MCTP1: variants seen among roughly 807,000 people sequenced by gnomAD.
MCTP1 encodes multiple C2 and transmembrane domain containing 1, also known as multiple C2 and transmembrane domain-containing protein 1.
MCTP1 carries 69 observed loss-of-function variants against 120.6 expected under a neutral mutation model. The ratio of observed to expected loss-of-function variants is 0.57; its 90% CI spans 0.47 to 0.70. The LOEUF is 0.70. Ranked by LOEUF, MCTP1 falls within the 30% of genes least tolerant of loss-of-function variation. MCTP1 has a pLI of 0.00. For missense variants in MCTP1, 1,203 were observed against 1,248.8 expected (o/e 0.96, Z 0.55); for synonymous variants, 529 against 493.1 (o/e 1.07, Z -0.96).
rs1237056530 is a variant in MCTP1 at position 95,064,128 on chromosome 5, CT to C, written c.721-46645del. On this transcript the variant is annotated intron_variant, in intron 1 of 22. Coordinates refer to ENST00000515393, the MANE Select transcript of MCTP1 (RefSeq NM_024717.7). ...TTGGAAAATTATAGGCTCCCAAGAACTGTTTATACAAGTACATGCTTTAGGG... is the reference window on the plus strand; with the variant it reads ...TTGGAAAATTATAGGCTCCCAAGAACGTTTATACAAGTACATGCTTTAGGG... 3.3e-5 allele frequency among the ~76,000 whole-genome samples: 5 copies of C among 152,306 alleles called. No homozygotes were observed. The East Asian group carries it at 7.7e-4, about 24-fold the overall frequency.
At chr5:94,812,908 C>A (rs1339348115) in intron 17 of MCTP1, among the ~76,000 whole-genome samples, 1 of 151,958 alleles carries the variant, frequency 6.6e-6, no homozygotes, top group African/African-American at 2.4e-5. Context: ...CTCTCTCTCT[C>A]TCTCTCTCTC....
chr5:95,150,277 A>G lies in MCTP1; in HGVS notation c.721-132793T>C, dbSNP rs148662834. 3.9e-5 allele frequency among the ~76,000 whole-genome samples: 6 copies of G among 152,300 alleles called. No individual in the cohort carries two copies. The East Asian group carries it at 1.2e-3, about 29-fold the overall frequency. On this transcript the variant is annotated intron_variant, in intron 1 of 22. Coordinates refer to ENST00000515393, the MANE Select transcript of MCTP1 (RefSeq NM_024717.7). ...ATAAGCATCTTTACTTTATTCACTA[A>G]TGCTATAATTATGTCTCTGCTGCCT...
At chr5:95,169,428 A>T (rs1429083223) in intron 1 of MCTP1, among the ~76,000 whole-genome samples, 1 of 152,080 alleles carries the variant, frequency 6.6e-6, no homozygotes, top group African/African-American at 2.4e-5. Flanking sequence ...GTTAGGGAGG[A>T]TTCCCTCTTT....
intron 1 of MCTP1, among the ~76,000 whole-genome samples, chr5:95,151,405 A>C (rs1760888480): frequency 6.6e-6 from 1 of 152,124 alleles, no homozygotes. Flanking sequence ...GAGAAGGAGA[A>C]GGTAGAGGAG....
intron 2 of MCTP1, among the ~76,000 whole-genome samples, chr5:94,954,578 T>C (rs1042783714): frequency 6.6e-6 from 1 of 152,146 alleles, no homozygotes; most frequent in Non-Finnish European, 1.5e-5. Flanking sequence ...CTCTATTGCA[T>C]GTTGAATGTG....
At chr5:94,909,031 G>A (rs1807714244) in intron 10 of MCTP1, among the ~76,000 whole-genome samples, 1 of 151,906 alleles carries the variant, frequency 6.6e-6, no homozygotes, top group Non-Finnish European at 1.5e-5. Context: ...AAAATTCATG[G>A]ATATCAAATT....
chr5:94,714,699 G>A (rs1224550986), intron 20 of MCTP1, 78 bp downstream of exon 20: 12 of 838,940 alleles, frequency 1.4e-5, no homozygotes, highest in Non-Finnish European at 2.5e-5. Context: ...CAAAAAGAAT[G>A]TGGCATTTCA....
intron 1 of MCTP1, among the ~76,000 whole-genome samples, chr5:95,133,239 C>A (rs1176790677): frequency 6.6e-6 from 1 of 152,204 alleles, no homozygotes; most frequent in African/African-American, 2.4e-5. Flanking sequence ...AAGACCCCCA[C>A]TGGATACTTG....
intron 1 of MCTP1, among the ~76,000 whole-genome samples, chr5:95,123,663 T>A (rs1408515224): frequency 7.7e-6 from 1 of 129,816 alleles, no homozygotes; most frequent in Non-Finnish European, 1.8e-5. Flanking sequence ...TTTTTTTTTT[T>A]TTTTGAGATG....
intron 1 of MCTP1, among the ~76,000 whole-genome samples, chr5:95,273,943 AC>A (rs1759606045): frequency 6.6e-6 from 1 of 152,124 alleles, no homozygotes; most frequent in Admixed American, 6.5e-5. Context: ...TCTTTCTGTC[AC>A]CAAGGTCAGA....
chr5:95,218,465 TG>T (rs1246656902), intron 1 of MCTP1, among the ~76,000 whole-genome samples: 2 of 152,184 alleles, frequency 1.3e-5, no homozygotes, highest in African/African-American at 4.8e-5. Flanking sequence ...TAGGTGGTAA[TG>T]GTACATTAAA....
At chr5:95,157,883 G>A (rs370862684) in intron 1 of MCTP1, among the ~76,000 whole-genome samples, 14 of 152,162 alleles carry the variant, frequency 9.2e-5, no homozygotes, top group Middle Eastern at 3.4e-3. Flanking sequence ...CCATTACGCC[G>A]GCAATGTTGA....
chr5:95,036,886 C>G (rs1841408205), intron 1 of MCTP1, among the ~76,000 whole-genome samples: 1 of 145,888 alleles, frequency 6.9e-6, no homozygotes, highest in African/African-American at 2.5e-5. Flanking sequence ...CAAGGTTACC[C>G]TACCCTTATC....
At position 94,856,939 on chromosome 5, in the gene MCTP1, G is replaced by A. The variant is rs77219288; in HGVS notation, c.2436+11394C>T. On this transcript the variant is annotated intron_variant, in intron 17 of 22. Transcript: ENST00000515393. ...CCCTTAAAAGCAGAGAGAGGAAGGA[G>A]AAATAATGGAATAACCCATTTCTGA... Among the ~76,000 whole-genome samples, 915 of 151,652 alleles carry A rather than the reference G, an allele frequency of 6.0e-3. 11 individuals are homozygous for A. Among genetic ancestry groups the A allele is most frequent in the African/African-American group, 0.021 (858 of 41,440 alleles).
rs1442722403 is a variant in MCTP1 at position 94,917,980 on chromosome 5, G to T, written c.1273-7C>A. The T allele has an allele frequency of 6.2e-7, 1 of 1,612,180 alleles. No individual in the cohort carries two copies. The highest frequency in any genetic ancestry group is 8.5e-7 in the Non-Finnish European group (1 of 1,178,268). ...GAGCTGGCCTGCCGCACGTCTGGAT[G>T]GAAATGAATGATCAGAGCTGTACGG... On this transcript the variant is annotated splice_polypyrimidine_tract_variant and splice_region_variant and intron_variant, in intron 7 of 22. Coordinates refer to ENST00000515393, the MANE Select transcript of MCTP1 (RefSeq NM_024717.7).
intron 1 of MCTP1, among the ~76,000 whole-genome samples, chr5:95,101,551 C>A (rs534753191): frequency 6.6e-6 from 1 of 152,326 alleles, no homozygotes; most frequent in African/African-American, 2.4e-5. Flanking sequence ...ACTGCCTGCC[C>A]CACCAATACT....
intron 1 of MCTP1, among the ~76,000 whole-genome samples, chr5:95,153,870 G>A (rs1161522576): frequency 1.3e-5 from 2 of 152,092 alleles, no homozygotes; most frequent in Non-Finnish European, 2.9e-5. Context: ...TTTCCAAAGA[G>A]AATGAGTAAT....
At position 95,017,441 on chromosome 5, in the gene MCTP1, A is replaced by G. The variant is rs534032598; in HGVS notation, c.764T>C (p.Leu255Ser). The G allele has an allele frequency of 7.8e-5, 125 of 1,610,530 alleles. No homozygotes were observed. The South Asian group carries it at 1.0e-3, about 13-fold the overall frequency. Residue 255 changes from leucine to serine, a missense_variant, in exon 2 of 23, where the codon TTG becomes TCG. Around this residue, in one of 2 missense-constraint regions of MCTP1, gnomAD observed 463 missense variants for 377.8 expected, o/e 1.23. Transcript: ENST00000515393. The stretch of plus-strand genomic sequence containing the variant: ...CAGCTGGTACATTCCGGGATCAGCC[A>G]AGGGGACTTCTGCATTACTGGTTCC... Reference protein sequence around the residue: ...TAGTSNAEVPLADPGMYQLDI... With the variant: ...TAGTSNAEVPSADPGMYQLDI...
chr5:94,844,257 G>A (rs1388409544), intron 17 of MCTP1, among the ~76,000 whole-genome samples: 5 of 128,770 alleles, frequency 3.9e-5, no homozygotes, highest in Admixed American at 9.5e-5. Context: ...AGCCGAGATC[G>A]CGCCATTGCA....
Sources: gnomAD v4.1 joint callset for allele counts (sites outside exome capture counted in the v4.1 genomes callset) on GRCh38, gnomAD v4.1.1 for gene constraint, gnomAD v4.1.1 regional missense constraint, MANE v1.5 for transcripts, NCBI Gene and HGNC (gene_info 2026-07-23, HGNC 2026-07-21) for gene names.